Variants in ARL15 observed in about 807,000 individuals in gnomAD.
The protein encoded by ARL15 is ARF like GTPase 15.
Under a neutral mutation model 25.2 loss-of-function variants are expected in ARL15, and 19 were observed. That is an observed-to-expected ratio of 0.75 (90% CI 0.53 to 1.10). The LOEUF is 1.10. ARL15 is among the 50% of genes least tolerant of loss of function. The pLI is 0.00. For synonymous variants in ARL15, 94 were observed against 86.8 expected, an observed-to-expected ratio of 1.08 and a Z score of -0.46; for missense variants, 220 against 246.0, an observed-to-expected ratio of 0.89 and a Z score of 0.71.
intron 1 of ARL15, among the ~76,000 whole-genome samples, chr5:54,298,932 C>A (rs1579992466): frequency 6.6e-6 from 1 of 151,110 alleles, no homozygotes; most frequent in Admixed American, 6.6e-5. Flanking sequence ...GAGATGAGGT[C>A]TTGTTCTGTC....
intron 3 of ARL15, among the ~76,000 whole-genome samples, chr5:54,119,051 G>T (rs1379766289): frequency 6.6e-6 from 1 of 152,040 alleles, no homozygotes; most frequent in Non-Finnish European, 1.5e-5. Context: ...TTCTGACATT[G>T]GCCCCTCCTT....
intron 4 of ARL15, among the ~76,000 whole-genome samples, chr5:54,107,426 C>A (rs369222094): frequency 6.6e-6 from 1 of 151,990 alleles, no homozygotes; most frequent in Admixed American, 6.6e-5. Context: ...GAATTACATT[C>A]GATTCCAGAA....
intron 3 of ARL15, among the ~76,000 whole-genome samples, chr5:54,148,378 G>T (rs1480811384): frequency 6.6e-6 from 1 of 152,182 alleles, no homozygotes; most frequent in Non-Finnish European, 1.5e-5. Context: ...CAGCTTGGCT[G>T]CTGACAGAAG....
chr5:54,086,469 T>C (rs1162338967), intron 4 of ARL15, among the ~76,000 whole-genome samples: 1 of 152,024 alleles, frequency 6.6e-6, no homozygotes, highest in African/African-American at 2.4e-5. Flanking sequence ...TATATGTGTT[T>C]CGCAGTAGCT....
intron 1 of ARL15, among the ~76,000 whole-genome samples, chr5:54,224,519 G>A (rs967609646): frequency 3.3e-5 from 5 of 152,094 alleles, no homozygotes; most frequent in African/African-American, 4.8e-5. Flanking sequence ...TCAACTATGG[G>A]AGTCCAGAAA....
At chr5:54,003,668 C>CTA (rs940633969) in intron 4 of ARL15, among the ~76,000 whole-genome samples, 4 of 10,914 alleles carry the variant, frequency 3.7e-4, no homozygotes, top group African/African-American at 2.0e-3. Context: ...TTCTTTCTAT[C>CTA]TATCTATCTA....
intron 1 of ARL15, among the ~76,000 whole-genome samples, chr5:54,236,622 A>C (rs180818028): frequency 1.2e-3 from 189 of 152,304 alleles, no homozygotes; most frequent in African/African-American, 4.3e-3. Flanking sequence ...GCCAAAAATA[A>C]ATTTCTATTG....
chr5:54,284,688 C>T (rs1758144160), intron 1 of ARL15, among the ~76,000 whole-genome samples: 1 of 152,166 alleles, frequency 6.6e-6, no homozygotes, highest in South Asian at 2.1e-4. Context: ...TGAAAACCCT[C>T]AATTTATTTT....
rs183561386 is a variant in ARL15 at position 54,090,156 on chromosome 5, T to C, written c.462+23046A>G. On this transcript the variant is annotated intron_variant, in intron 4 of 4. Transcript: ENST00000504924. Reference sequence around the variant, plus strand: ...ATCAGTGTTTGTAATGTCCAAATAATGAAACCAACCCAAATGTCCATCAAC... The same window carrying C: ...ATCAGTGTTTGTAATGTCCAAATAACGAAACCAACCCAAATGTCCATCAAC... 2.6e-5 allele frequency among the ~76,000 whole-genome samples: 4 copies of C among 152,168 alleles called. No homozygotes were observed. The East Asian group carries it at 5.8e-4, about 22-fold the overall frequency.
intron 4 of ARL15, among the ~76,000 whole-genome samples, chr5:54,046,842 G>C (rs910451592): frequency 2.1e-4 from 32 of 152,218 alleles, no homozygotes; most frequent in Non-Finnish European, 1.2e-4. Context: ...TGGGGCAACA[G>C]AGTTTGGTCA....
chr5:54,134,600 T>C (rs1167530012), intron 3 of ARL15, among the ~76,000 whole-genome samples: 1 of 132,744 alleles, frequency 7.5e-6, no homozygotes, highest in African/African-American at 2.8e-5. Context: ...TTTTTTTTTT[T>C]TCTGAGACAG....
rs370407119 is a variant in ARL15 at position 54,266,813 on chromosome 5, T to C, written c.48+43619A>G. On this transcript the variant is annotated intron_variant, in intron 1 of 4. Coordinates refer to ENST00000504924, the MANE Select transcript of ARL15 (RefSeq NM_019087.3). ...GAACTTACAGGAAAACCATGTGAGA[T>C]ACTAAAACACAATGAGCAGCAGCAA... Among the ~76,000 whole-genome samples the C allele has an allele frequency of 2.2e-4, 34 of 152,274 alleles. No individual in the cohort carries two copies. The South Asian group carries it at 4.6e-3, about 20-fold the overall frequency.
intron 1 of ARL15, among the ~76,000 whole-genome samples, chr5:54,203,153 C>A (rs939203179): frequency 6.6e-6 from 1 of 152,124 alleles, no homozygotes; most frequent in Non-Finnish European, 1.5e-5. Flanking sequence ...TCCCACTCCA[C>A]CCTTACTATA....
intron 4 of ARL15, among the ~76,000 whole-genome samples, chr5:54,048,642 A>G (rs1159177806): frequency 6.6e-6 from 1 of 151,798 alleles, no homozygotes; most frequent in Non-Finnish European, 1.5e-5. Context: ...ACCTCAAGTG[A>G]TCTGCCCACC....
At chr5:54,252,406 TA>T (rs1432251179) in intron 1 of ARL15, among the ~76,000 whole-genome samples, 1 of 152,222 alleles carries the variant, frequency 6.6e-6, no homozygotes, top group Non-Finnish European at 1.5e-5. Flanking sequence ...TTGCTCTTTT[TA>T]AAAGGAAAAC....
intron 4 of ARL15, among the ~76,000 whole-genome samples, chr5:54,080,308 G>T (rs753505179): frequency 1.3e-5 from 2 of 152,190 alleles, no homozygotes; most frequent in Non-Finnish European, 2.9e-5. Context: ...AAAAGACATC[G>T]CTGCTACGCA....
At chr5:53,953,583 T>C (rs1407498649) in intron 4 of ARL15, among the ~76,000 whole-genome samples, 1 of 152,094 alleles carries the variant, frequency 6.6e-6, no homozygotes, top group Non-Finnish European at 1.5e-5. Flanking sequence ...CAGTGTGCTA[T>C]GGGTGTGAAG....
chr5:54,051,313 G>A (rs1048850412), intron 4 of ARL15, among the ~76,000 whole-genome samples: 5 of 152,190 alleles, frequency 3.3e-5, no homozygotes, highest in African/African-American at 1.2e-4. Flanking sequence ...AAAGTCGCAA[G>A]ACTAATAAGT....
chr5:54,034,740 C>T (rs1319018627), intron 4 of ARL15, among the ~76,000 whole-genome samples: 1 of 152,292 alleles, frequency 6.6e-6, no homozygotes, highest in East Asian at 1.9e-4. Flanking sequence ...CTCACTATAA[C>T]CTCAACCTCC....
Sources: gnomAD v4.1 joint callset for allele counts (sites outside exome capture counted in the v4.1 genomes callset) on GRCh38, gnomAD v4.1.1 for gene constraint, MANE v1.5 for transcripts, NCBI Gene and HGNC (gene_info 2026-07-23, HGNC 2026-07-21) for gene names.